The following ARHGAP45 variants were observed in gnomAD, a reference collection of about 807,000 sequenced individuals.
The protein encoded by ARHGAP45 is rho GTPase-activating protein 45.
Under a neutral mutation model 116.1 loss-of-function variants are expected in ARHGAP45, and 56 were observed. The ratio of observed to expected loss-of-function variants is 0.48; its 90% CI spans 0.39 to 0.60. The LOEUF (loss-of-function observed/expected upper bound fraction) is 0.60. Among genes scored for constraint, ARHGAP45 ranks in the 20% least tolerant of loss-of-function variants. The pLI is 0.00. For missense variants in ARHGAP45, 1,622 were observed against 1,601.0 expected (o/e 1.01, Z -0.22); for synonymous variants, 866 against 701.7 (o/e 1.23, Z -3.70).
Position 1,073,967 on chromosome 19 carries a change from G to A in ARHGAP45, c.743G>A (p.Gly248Glu). ...CTACAGTCCATGGAAAGCCTGTATG[G>A]ACCGGGCAGTGAGGGCACGCCTCCC... ...DSSQSMESLY[G>E]PGSEGTPPSL... The change falls in exon 6 of 23, where the codon GGA becomes GAA. Residue 248 changes from glycine (G) to glutamate (E), a missense_variant. Physicochemically the swap from Gly to Glu is moderately conservative, Grantham distance 98. Around this residue, in one of 3 missense-constraint regions of ARHGAP45, gnomAD observed 1,334 missense variants for 1,263.8 expected, o/e 1.06. Coordinates refer to ENST00000313093, the MANE Select transcript of ARHGAP45 (RefSeq NM_012292.5). The A allele has an allele frequency of 1.3e-6, 2 of 1,584,744 alleles. No individual in the cohort carries two copies. The highest frequency in any genetic ancestry group is 2.3e-5 in the South Asian group (2 of 87,440).
rs1273958806 is a variant in ARHGAP45, at chr19:1,082,967, C to T, written c.2645C>T (p.Ala882Val). 10 of 1,562,822 alleles carry T rather than the reference C, an allele frequency of 6.4e-6. No individual in the cohort carries two copies. The highest frequency in any genetic ancestry group is 8.6e-6 in the Non-Finnish European group (10 of 1,158,424). The change falls in exon 20 of 23, where the codon GCA (alanine) becomes GTA (valine). Residue 882 changes from alanine (A) to valine (V), a missense_variant. Ala to Val is a moderately conservative substitution (Grantham distance 64). Transcript: ENST00000313093. ...RGRQDGSESE[A>V]VAVALAGRLR... ...CGGCAGGACGGCTCGGAGAGCGAGG[C>T]AGTGGCGGTGGCCCTGGCAGGTCGG...
Position 1,077,848 on chromosome 19 carries a change from C to T in ARHGAP45, c.1186-9C>T. ...GTTGGAACTGGCCTCCTGGCTCCCA[C>T]ACCCACAGCAAGAGGCGGAGTCCAA... On this transcript the variant is annotated splice_polypyrimidine_tract_variant and intron_variant, in intron 10 of 22. Transcript: ENST00000313093. The T allele has an allele frequency of 6.4e-7, 1 of 1,552,180 alleles. No homozygotes were observed. Among genetic ancestry groups the T allele is most frequent in the South Asian group, 1.2e-5 (1 of 84,160 alleles).
At chr19:1,084,722 A>AC (rs1208758523) in intron 22 of ARHGAP45, among the ~76,000 whole-genome samples, 1 of 152,184 alleles carries the variant, frequency 6.6e-6, no homozygotes, top group Non-Finnish European at 1.5e-5. Flanking sequence ...ACCACCTGTC[A>AC]GAGGCAGCTG....
intron 11 of ARHGAP45, 44 bp from the exon 12 acceptor site, chr19:1,079,658 AC>A (rs749790213): frequency 3.1e-6 from 5 of 1,605,158 alleles, no homozygotes; most frequent in African/African-American, 1.3e-5. Flanking sequence ...TGAGTCCTGC[AC>A]CCCGGGCTGA....
chr19:1,071,548 C>A lies in ARHGAP45; in HGVS notation c.422-1601C>A. The A allele has an allele frequency of 3.7e-6, 1 of 272,752 alleles. No homozygotes were observed. Among genetic ancestry groups the A allele is most frequent in the Non-Finnish European group, 5.7e-6 (1 of 176,814 alleles). 16.9% of individuals were successfully genotyped at this position (272,752 alleles called of 1,614,324 possible). On this transcript the variant is annotated intron_variant, in intron 2 of 22. Coordinates refer to ENST00000313093, the MANE Select transcript of ARHGAP45 (RefSeq NM_012292.5). The surrounding 1 kb of genome is among the most constrained non-coding windows in gnomAD (Gnocchi z 4.6). ...TTCCCGGGTAGGGGGTGTGCGGGGACAGCCGGGGGTCCGTGCGCCGGCCGC... is the reference window on the plus strand; with the variant it reads ...TTCCCGGGTAGGGGGTGTGCGGGGAAAGCCGGGGGTCCGTGCGCCGGCCGC...
rs2145034687 is a variant in ARHGAP45 at position 1,074,659 on chromosome 19, G to A, written c.1039G>A (p.Asp347Asn). The A allele has an allele frequency of 1.2e-6, 2 of 1,610,684 alleles. No homozygotes were observed. The highest frequency in any genetic ancestry group is 1.7e-6 in the Non-Finnish European group (2 of 1,179,212). The change falls in exon 9 of 23, where the codon GAC (aspartate) becomes AAC (asparagine). Residue 347 changes from aspartate to asparagine, a missense_variant. Coordinates refer to ENST00000313093, the MANE Select transcript of ARHGAP45 (RefSeq NM_012292.5). ...LSIYSLALEQDLEFGHSMVQA... is the reference protein window; with the variant it reads ...LSIYSLALEQNLEFGHSMVQA... ...CATCTACTCGCTGGCCCTGGAGCAG[G>A]ACCTGGAGTTCGGCCACAGCATGGT... is the stretch of plus-strand genomic sequence containing the variant.
intron 22 of ARHGAP45, among the ~76,000 whole-genome samples, chr19:1,084,801 T>C (rs1371350310): frequency 6.6e-6 from 1 of 152,114 alleles, no homozygotes; most frequent in East Asian, 1.9e-4. Flanking sequence ...AATAAATACC[T>C]GAGGCTGGGC....
At chr19:1,083,436 A>C in intron 21 of ARHGAP45, 83 bp downstream of exon 21, 1 of 1,226,836 alleles carries the variant, frequency 8.2e-7, no homozygotes, top group South Asian at 1.3e-5. Context: ...TTGTCGGATG[A>C]AGCCCAAGGA....
intron 2 of ARHGAP45, among the ~76,000 whole-genome samples, chr19:1,070,990 G>A (rs895006974): frequency 5.3e-5 from 8 of 152,186 alleles, no homozygotes; most frequent in African/African-American, 1.9e-4. Context: ...GGGGACCCGC[G>A]TTCAGGCAGC....
rs765535729 is a variant in ARHGAP45 at position 1,084,271 on chromosome 19, G to A, written c.2989G>A (p.Val997Ile). 2.5e-6 allele frequency: 4 copies of A among 1,613,044 alleles called. No individual in the cohort carries two copies. Among genetic ancestry groups the A allele is most frequent in the Non-Finnish European group, 3.4e-6 (4 of 1,179,678 alleles). ...ESSNQRAEVV[V>I]QVPYLEAGEA... ...ATCCAACCAGCGAGCTGAGGTAGTC[G>A]TCCAGGTGCCGTACCTGGAGGCGGG... Residue 997 changes from valine (V) to isoleucine (I), a missense_variant, in exon 22 of 23, where the codon GTC becomes ATC. Coordinates refer to ENST00000313093, the MANE Select transcript of ARHGAP45 (RefSeq NM_012292.5).
In ARHGAP45 at chr19:1,081,633, G is replaced by T; in HGVS notation, c.2274G>T (p.Leu758=). The change falls in exon 18 of 23, where the codon CTG becomes CTT. Residue 758 remains leucine (L), a synonymous_variant. Coordinates refer to ENST00000313093, the MANE Select transcript of ARHGAP45 (RefSeq NM_012292.5). The part of the protein sequence containing the change: ...GHKKLQGRLQ[L]FGQDFSHAAR... ...AGAAGCTGCAAGGCCGCCTGCAGCT[G>T]TTCGGCCAGGACTTCAGCCACGCGG... 1 of 1,572,846 alleles carries T rather than the reference G, an allele frequency of 6.4e-7. No individual in the cohort carries two copies.
chr19:1,084,450 G>A, intron 22 of ARHGAP45, 104 bp downstream of exon 22: 1 of 836,392 alleles, frequency 1.2e-6, no homozygotes, highest in Non-Finnish European at 1.9e-6. Flanking sequence ...GGTCCACGGT[G>A]CTGCACATTC....
rs759776995 is a variant in ARHGAP45 at position 1,086,610 on chromosome 19, TAA to T, written c.*608_*609del. On this transcript the variant is annotated 3_prime_UTR_variant, in exon 23 of 23. Transcript: ENST00000313093. Reference sequence around the variant, plus strand: ...CACAGGCACGTTTATTTTGCTGAAATAAAAAGTTTTTAATCGGGTGTTTTCTG... The same window carrying T: ...CACAGGCACGTTTATTTTGCTGAAATAAAGTTTTTAATCGGGTGTTTTCTG... The T allele has an allele frequency of 1.3e-5, 2 of 151,948 alleles. No homozygotes were observed. The highest frequency in any genetic ancestry group is 1.9e-4 in the East Asian group (1 of 5,312). 9.4% of individuals were successfully genotyped at this position (151,948 alleles called of 1,614,324 possible). A position where few individuals can be genotyped will look rare whatever the true frequency, so the allele number is the denominator to read the frequency against.
intron 17 of ARHGAP45, 138 bp from the exon 18 acceptor site, chr19:1,081,412 G>T (rs948840727): frequency 3.2e-6 from 3 of 924,212 alleles, no homozygotes; most frequent in Non-Finnish European, 3.1e-6. Context: ...TGGAAGCCAC[G>T]AGCCACTGTC....
At chr19:1,085,006 G>A (rs753337668) in intron 22 of ARHGAP45, among the ~76,000 whole-genome samples, 9 of 152,092 alleles carry the variant, frequency 5.9e-5, no homozygotes, top group Non-Finnish European at 1.2e-4. Flanking sequence ...CACTTGAACC[G>A]GGGAGGCAGA....
At chr19:1,076,223 T>A (rs1261697456) in intron 10 of ARHGAP45, among the ~76,000 whole-genome samples, 1 of 152,134 alleles carries the variant, frequency 6.6e-6, no homozygotes, top group Non-Finnish European at 1.5e-5. Flanking sequence ...TGAGCTACCC[T>A]CCCAGGCCAC....
At chr19:1,070,287 G>A (rs375926255) in intron 2 of ARHGAP45, among the ~76,000 whole-genome samples, 3 of 148,632 alleles carry the variant, frequency 2.0e-5, no homozygotes, top group Admixed American at 6.7e-5. Flanking sequence ...ATGAGCCACC[G>A]TGCCCGGGCT....
chr19:1,076,897 T>C (rs748419493), intron 10 of ARHGAP45: 8 of 417,422 alleles, frequency 1.9e-5, no homozygotes, highest in Non-Finnish European at 2.6e-5. Flanking sequence ...TGGCTAAATT[T>C]TTTAATTTTT....
chr19:1,085,960 G>T lies in ARHGAP45; in HGVS notation c.3365G>T (p.Arg1122Leu), dbSNP rs371515757. Residue 1122 changes from arginine to leucine, a missense_variant, in exon 23 of 23, where the codon CGG becomes CTG. Around this residue, in one of 3 missense-constraint regions of ARHGAP45, gnomAD observed 1,334 missense variants for 1,263.8 expected, o/e 1.06. Transcript: ENST00000313093. ...CCCCCCATGAGGCTCCGTGGCGGGC[G>T]GATGACACTGGGCTCCTGCAGGGAA... The part of the protein sequence containing the change: ...PLPPMRLRGG[R>L]MTLGSCRERQ... The T allele has an allele frequency of 6.2e-7, 1 of 1,612,890 alleles. No homozygotes were observed. The highest frequency in any genetic ancestry group is 1.7e-5 in the Admixed American group (1 of 60,006).
Sources: gnomAD v4.1 joint callset for allele counts (sites outside exome capture counted in the v4.1 genomes callset) on GRCh38, gnomAD v4.1.1 for gene constraint, gnomAD v4.1.1 regional missense constraint, Gnocchi (gnomAD v3.1) non-coding constraint, MANE v1.5 for transcripts, NCBI Gene and HGNC (gene_info 2026-07-23, HGNC 2026-07-21) for gene names.